The following DNAH17 variants were observed in gnomAD, a reference collection of about 807,000 sequenced individuals.
The protein encoded by DNAH17 is dynein axonemal heavy chain 17, also known as axonemal beta dynein heavy chain 17.
Under a neutral mutation model 485.6 loss-of-function variants are expected in DNAH17, and 376 were observed. The ratio of observed to expected loss-of-function variants is 0.77; its 90% confidence interval spans 0.71 to 0.84. The LOEUF (loss-of-function observed/expected upper bound fraction) is 0.84. DNAH17 is among the 40% of genes least tolerant of loss of function. The probability of loss-of-function intolerance (pLI) is 0.00; values close to 1 mark genes in which losing one functional copy is unlikely to be tolerated. For missense variants in DNAH17, 6,370 were observed against 5,839.3 expected, an observed-to-expected ratio of 1.09 and a Z score of -2.96; for synonymous variants, 3,031 against 2,405.9, an observed-to-expected ratio of 1.26 and a Z score of -7.60.
Position 78,558,304 on chromosome 17 carries a change from G to A in DNAH17, c.2032-50C>T, listed in dbSNP as rs1328440860. 6 of 1,597,224 alleles carry A rather than the reference G, an allele frequency of 3.8e-6. No individual in the cohort carries two copies. The East Asian group carries it at 1.3e-4, about 36-fold the overall frequency. ...AACATGTCAGCAGGTCAGGTCAACA[G>A]TGCAGTGTTCAAGCAACAGAAATGA... On this transcript the variant is annotated intron_variant, in intron 13 of 80. Transcript: ENST00000389840.
At chr17:78,556,290 A>T (rs1445230978) in intron 14 of DNAH17, among the ~76,000 whole-genome samples, 4 of 152,150 alleles carry the variant, frequency 2.6e-5, no homozygotes, top group African/African-American at 7.2e-5. Flanking sequence ...ACTCTAACTA[A>T]TACAATGGCC....
Position 78,468,601 on chromosome 17 carries a change from A to C in DNAH17, c.8778+16T>G. 6.2e-7 allele frequency: 1 copy of C among 1,608,110 alleles called. No individual in the cohort carries two copies. The highest frequency in any genetic ancestry group is 8.5e-7 in the Non-Finnish European group (1 of 1,176,290). On this transcript the variant is annotated intron_variant, in intron 55 of 80. Coordinates refer to ENST00000389840, the MANE Select transcript of DNAH17 (RefSeq NM_173628.4). ...AAGCTGGGCTCTTGAGGCCCTGCCG[A>C]AGACGGGAGCCCCACCTTGAGCTGT... is the stretch of plus-strand genomic sequence containing the variant.
chr17:78,489,728 C>T (rs1006121888), intron 44 of DNAH17, among the ~76,000 whole-genome samples: 10 of 151,590 alleles, frequency 6.6e-5, no homozygotes, highest in Non-Finnish European at 1.2e-4. Flanking sequence ...CAGCTTTTTT[C>T]ATCACTCTCT....
intron 26 of DNAH17, among the ~76,000 whole-genome samples, chr17:78,511,762 C>T (rs545312499): frequency 5.9e-5 from 9 of 152,328 alleles, no homozygotes; most frequent in East Asian, 1.9e-4. Context: ...CATATGTGCC[C>T]GAGGCTCACC....
At position 78,466,660 on chromosome 17, in the gene DNAH17, T is replaced by A; in HGVS notation, c.8935A>T (p.Ile2979Phe). 6.2e-7 allele frequency: 1 copy of A among 1,607,696 alleles called. No homozygotes were observed. Among genetic ancestry groups the A allele is most frequent in the Non-Finnish European group, 8.5e-7 (1 of 1,177,016 alleles). Reference sequence around the variant, plus strand: ...AGGTGGCCTCAGTGACTCACCGGAATCCCCTCAGTCTCCTCCAGGAAGCGG... The same window carrying A: ...AGGTGGCCTCAGTGACTCACCGGAAACCCCTCAGTCTCCTCCAGGAAGCGG... The part of the protein sequence containing the change: ...SARFLEETEG[I>F]PWEVKASISF... The change falls in exon 56 of 81, where the codon ATT (isoleucine) becomes TTT (phenylalanine). Residue 2979 changes from isoleucine to phenylalanine, a missense_variant. Coordinates refer to ENST00000389840, the MANE Select transcript of DNAH17 (RefSeq NM_173628.4).
At chr17:78,461,067 C>A (rs1378308067) in intron 58 of DNAH17, among the ~76,000 whole-genome samples, 1 of 151,918 alleles carries the variant, frequency 6.6e-6, no homozygotes, top group Non-Finnish European at 1.5e-5. Flanking sequence ...TCAACCTCAG[C>A]CACCCCCAAC....
chr17:78,493,934 G>T (rs548776388), intron 41 of DNAH17, 102 bp downstream of exon 41: 15 of 1,451,830 alleles, frequency 1.0e-5, no homozygotes, highest in African/African-American at 9.8e-5. Flanking sequence ...GTACTGGGTT[G>T]GGGTCTCCGG....
intron 21 of DNAH17, 124 bp downstream of exon 21, chr17:78,530,217 GCC>G: frequency 1.7e-6 from 2 of 1,209,090 alleles, no homozygotes; most frequent in Non-Finnish European, 2.2e-6. Flanking sequence ...TGGCCTTGAA[GCC>G]CAGCCTCCAC....
chr17:78,503,158 C>T (rs1288336885), intron 31 of DNAH17, 147 bp from the exon 32 acceptor site: 7 of 396,068 alleles, frequency 1.8e-5, no homozygotes, highest in Non-Finnish European at 2.5e-5. Context: ...AGAGCAGTAA[C>T]AGTGACACAC....
rs189999466 is a variant in DNAH17 at position 78,508,879 on chromosome 17, G to A, written c.4237-1074C>T. On this transcript the variant is annotated intron_variant, in intron 27 of 80. Coordinates refer to ENST00000389840, the MANE Select transcript of DNAH17 (RefSeq NM_173628.4). ...TGCAGCAGCATGATCACAGCTCACC[G>A]CAGCCTCCATCTCCTGAGCTCAATT... Among the ~76,000 whole-genome samples the A allele has an allele frequency of 3.2e-3, 486 of 151,828 alleles. 1 individual carries two copies. Among genetic ancestry groups the A allele is most frequent in the Admixed American group, 5.3e-3 (80 of 15,230 alleles).
At chr17:78,525,258 C>T in intron 24 of DNAH17, 97 bp from the exon 25 acceptor site, 1 of 1,484,762 alleles carries the variant, frequency 6.7e-7, no homozygotes, top group Non-Finnish European at 9.0e-7. Flanking sequence ...GTGTGCCCTC[C>T]CTGATAAACC....
At chr17:78,502,502 C>T (rs1351994437) in intron 33 of DNAH17, 89 bp downstream of exon 33, 35 of 1,263,422 alleles carry the variant, frequency 2.8e-5, no homozygotes, top group Non-Finnish European at 3.4e-5. Flanking sequence ...AGGTACTCGC[C>T]CGGCAGGTTT....
In DNAH17 at chr17:78,424,096, G is replaced by A; in HGVS notation, c.13199C>T (p.Thr4400Ile). Residue 4400 changes from threonine to isoleucine, a missense_variant, in exon 81 of 81, where the codon ACC becomes ATC. Thr to Ile is a moderately conservative substitution (Grantham distance 89). Transcript: ENST00000389840. ...VIAEARLKEL[T>I]PAMPVIFIKA... is the part of the protein sequence containing the mutation. ...GATGAAGATGACAGGCATGGCCGGG[G>A]TCAGCTCTTTCAGCCGCGCTTCAGC... 6.2e-7 allele frequency: 1 copy of A among 1,613,918 alleles called. No individual in the cohort carries two copies. The highest frequency in any genetic ancestry group is 8.5e-7 in the Non-Finnish European group (1 of 1,179,886).
intron 18 of DNAH17, among the ~76,000 whole-genome samples, chr17:78,538,834 A>G (rs1299245547): frequency 6.6e-6 from 1 of 152,218 alleles, no homozygotes; most frequent in African/African-American, 2.4e-5. Flanking sequence ...CCTGGTCGGT[A>G]CAAGGGCACG....
intron 69 of DNAH17, among the ~76,000 whole-genome samples, 194 bp downstream of exon 69, chr17:78,449,220 C>T (rs1001995208): frequency 6.6e-6 from 1 of 152,202 alleles, no homozygotes; most frequent in African/African-American, 2.4e-5. Context: ...CAAATATCAA[C>T]TAGGAGAGCC....
chr17:78,520,558 A>G (rs2090908352), intron 25 of DNAH17, among the ~76,000 whole-genome samples: 1 of 152,260 alleles, frequency 6.6e-6, no homozygotes, highest in Admixed American at 6.5e-5. Flanking sequence ...AATTATTCAC[A>G]TTTGTATATA....
intron 3 of DNAH17, among the ~76,000 whole-genome samples, 182 bp downstream of exon 3, chr17:78,572,519 C>A (rs2092373753): frequency 6.6e-6 from 1 of 152,036 alleles, no homozygotes; most frequent in Non-Finnish European, 1.5e-5. Context: ...CTGGTTTCAA[C>A]TTCCTCAGTC....
chr17:78,510,669 G>C (rs1019015884), intron 26 of DNAH17, 163 bp from the exon 27 acceptor site: 2 of 866,648 alleles, frequency 2.3e-6, no homozygotes, highest in African/African-American at 1.7e-5. Context: ...TGAGACTTGA[G>C]GAAGTGACTT....
intron 24 of DNAH17, 78 bp downstream of exon 24, chr17:78,526,573 G>A (rs2091080495): frequency 7.7e-7 from 1 of 1,305,724 alleles, no homozygotes; most frequent in East Asian, 2.4e-5. Context: ...TTCTGGACTT[G>A]AAAGGATAAC....
Sources: allele counts gnomAD v4.1 joint callset (sites outside exome capture counted in the v4.1 genomes callset), GRCh38; gene constraint gnomAD v4.1.1; transcripts MANE v1.5; gene names NCBI Gene and HGNC (gene_info 2026-07-23, HGNC 2026-07-21).